The following CRACR2B variants were observed in gnomAD, a reference collection of about 807,000 sequenced individuals.
CRACR2B encodes the protein calcium release activated channel regulator 2B.
Under a neutral mutation model 46.0 loss-of-function variants are expected in CRACR2B, and 50 were observed. The ratio of observed to expected loss-of-function variants is 1.09; its 90% confidence interval spans 0.87 to 1.38. CRACR2B has a LOEUF of 1.38. Among genes scored for constraint, CRACR2B ranks in the 40% most tolerant of loss-of-function variants. CRACR2B has a pLI of 0.00. For synonymous variants in CRACR2B, 277 were observed against 239.6 expected (o/e 1.16, Z -1.44); for missense variants, 667 against 535.0 (o/e 1.25, Z -2.43).
chr11:831,209 A>G lies in CRACR2B; in HGVS notation c.954-15A>G. 1 of 1,609,714 alleles carries G rather than the reference A, an allele frequency of 6.2e-7. No homozygotes were observed. Among genetic ancestry groups the G allele is most frequent in the Non-Finnish European group, 8.5e-7 (1 of 1,179,056 alleles). On this transcript the variant is annotated splice_polypyrimidine_tract_variant and intron_variant, in intron 7 of 8. Transcript: ENST00000525077. ...GGAGCCTTCCTGCAGCCGGGTCACC[A>G]CCTCCCATCCACAGAGACGTGGTCG...
At chr11:829,331 C>T in intron 2 of CRACR2B, 29 bp from the exon 3 acceptor site, 2 of 1,580,072 alleles carry the variant, frequency 1.3e-6, no homozygotes, top group South Asian at 2.3e-5. Flanking sequence ...GACCCACAGC[C>T]CTGGTAATCG....
chr11:830,299 G>T lies in CRACR2B; in HGVS notation c.655G>T (p.Glu219Ter), dbSNP rs768345389. 6 of 1,534,022 alleles carry T rather than the reference G, an allele frequency of 3.9e-6. No individual in the cohort carries two copies. The highest frequency in any genetic ancestry group is 5.3e-6 in the Non-Finnish European group (6 of 1,142,694). Reference sequence around the variant, plus strand: ...GGTGCGCGCTCTGTACGAGGAGACGGAGCAGCTTCGGGAGCAGAGCCGGCG... The same window carrying T: ...GGTGCGCGCTCTGTACGAGGAGACGTAGCAGCTTCGGGAGCAGAGCCGGCG... Reference protein sequence around the residue: ...REVRALYEETEQLREQSRRPP... With the variant: ...REVRALYEET Residue 219 changes from glutamate (E) to a stop codon, truncating the protein, a stop_gained, in exon 5 of 9, where the codon GAG becomes TAG. Coordinates refer to ENST00000525077, the MANE Select transcript of CRACR2B (RefSeq NM_001286606.2). LOFTEE classifies it high-confidence loss of function.
In CRACR2B at chr11:830,240, TC is replaced by T; in HGVS notation, c.606-5del. On this transcript the variant is annotated splice_polypyrimidine_tract_variant and intron_variant, in intron 4 of 8. Coordinates refer to ENST00000525077, the MANE Select transcript of CRACR2B (RefSeq NM_001286606.2). ...CAAGTTCTCATCCGGGGTCGCCCGG[TC>T]CCCCGAAGGCGCGAGAGCGAGCACG... 2 of 1,503,154 alleles carry T rather than the reference TC, an allele frequency of 1.3e-6. No individual in the cohort carries two copies. 93.1% of individuals were successfully genotyped at this position (1,503,154 alleles called of 1,614,324 possible).
upstream of CRACR2B, chr11:826,398 G>A (rs557255994): frequency 6.6e-6 from 1 of 152,324 alleles, no homozygotes; most frequent in Admixed American, 6.5e-5. Context: ...CCCAAGGGGA[G>A]CCCCAGTCAG....
At position 831,700 on chromosome 11, in the gene CRACR2B, T is replaced by C; in HGVS notation, c.1191T>C (p.Ser397=). 7.9e-6 allele frequency: 12 copies of C among 1,509,562 alleles called. No homozygotes were observed. Among genetic ancestry groups the C allele is most frequent in the Admixed American group, 2.3e-5 (1 of 43,194 alleles). The allele number at this position is 1,509,562 out of a possible 1,614,324, so 93.5% of individuals were successfully genotyped here. A position where few individuals can be genotyped will look rare whatever the true frequency, so the allele number is the denominator to read the frequency against. Residue 397 remains serine, a synonymous_variant, in exon 9 of 9, where the codon AGT becomes AGC. Transcript: ENST00000525077. The part of the protein sequence containing the change: ...PPRRGSGHLP[S]AR The stretch of plus-strand genomic sequence containing the variant: ...GACGCGGCTCTGGCCACCTTCCCAG[T>C]GCCCGGTGACCAGCCCCGAGTGACT...
At position 831,713 on chromosome 11, in the gene CRACR2B, G is replaced by T. The variant is rs772352860; in HGVS notation, c.*4G>T. On this transcript the variant is annotated 3_prime_UTR_variant, in exon 9 of 9. Coordinates refer to ENST00000525077, the MANE Select transcript of CRACR2B (RefSeq NM_001286606.2). ...CCACCTTCCCAGTGCCCGGTGACCA[G>T]CCCCGAGTGACTCACGGACCATGAG... 2.0e-5 allele frequency: 30 copies of T among 1,504,288 alleles called. No individual in the cohort carries two copies. The South Asian group carries it at 2.5e-4, about 12-fold the overall frequency. 93.2% of individuals were successfully genotyped at this position (1,504,288 alleles called of 1,614,324 possible). A position where few individuals can be genotyped will look rare whatever the true frequency, so the allele number is the denominator to read the frequency against.
chr11:831,852 TAGG>T lies in CRACR2B; in HGVS notation c.*146_*148del. ...GACTGAAGACATGAAGGACCTAGCC[TAGG>T]AGTGGTCAGGGTCCCGGGAGTGGCC... On this transcript the variant is annotated 3_prime_UTR_variant, in exon 9 of 9. Coordinates refer to ENST00000525077, the MANE Select transcript of CRACR2B (RefSeq NM_001286606.2). 1 of 1,088,246 alleles carries T rather than the reference TAGG, an allele frequency of 9.2e-7. No individual in the cohort carries two copies. 67.4% of individuals were successfully genotyped at this position (1,088,246 alleles called of 1,614,324 possible).
rs572911633 is a variant in CRACR2B at position 830,756 on chromosome 11, A to T, written c.786+43A>T. The T allele has an allele frequency of 2.7e-6, 4 of 1,495,262 alleles. No homozygotes were observed. In the African/African-American group the frequency reaches 5.6e-5, roughly 21 times the overall value. 92.6% of individuals were successfully genotyped at this position (1,495,262 alleles called of 1,614,324 possible). A position where few individuals can be genotyped will look rare whatever the true frequency, so the allele number is the denominator to read the frequency against. Reference sequence around the variant, plus strand: ...GCCCTGTCCCCACGGTCACCCGTGCACTCTCCCCCTGTGCCTTAGCGTCCC... The same window carrying T: ...GCCCTGTCCCCACGGTCACCCGTGCTCTCTCCCCCTGTGCCTTAGCGTCCC... On this transcript the variant is annotated intron_variant, in intron 6 of 8. Transcript: ENST00000525077.
intron 3 of CRACR2B, 186 bp from the exon 4 acceptor site, chr11:829,800 C>T: frequency 8.2e-7 from 1 of 1,223,646 alleles, no homozygotes. Context: ...GCCCAGGGTA[C>T]ACACACCTCA....
chr11:827,595 G>A (rs1336783523), upstream of CRACR2B: 6 of 972,838 alleles, frequency 6.2e-6, no homozygotes, highest in Non-Finnish European at 1.2e-6. Context: ...AGGTCTAGCC[G>A]GCAAGCCGGA....
upstream of CRACR2B, among the ~76,000 whole-genome samples, chr11:826,513 C>T (rs1845910646): frequency 1.3e-5 from 2 of 152,250 alleles, no homozygotes; most frequent in South Asian, 4.1e-4. Context: ...CTAAGTTAAA[C>T]ATTTTCTAGC....
At position 830,068 on chromosome 11, in the gene CRACR2B, C is replaced by G. The variant is rs1846266122; in HGVS notation, c.541C>G (p.Arg181Gly). Residue 181 changes from arginine (R) to glycine (G), a missense_variant, in exon 4 of 9, where the codon CGC becomes GGC. Physicochemically the swap from Arg to Gly is moderately radical, Grantham distance 125 (BLOSUM62 -2). Coordinates refer to ENST00000525077, the MANE Select transcript of CRACR2B (RefSeq NM_001286606.2). ...LLGSFEDVLI[R>G]ASACLEEAAR... is the part of the protein sequence containing the mutation. ...GGGCTCTTTCGAGGATGTTCTGATA[C>G]GCGCGTCGGCCTGCCTGGAGGAGGC... The G allele has an allele frequency of 6.4e-7, 1 of 1,553,414 alleles. No homozygotes were observed.
chr11:830,073 G>A lies in CRACR2B; in HGVS notation c.546G>A (p.Ala182=). Reference sequence around the variant, plus strand: ...CTTTCGAGGATGTTCTGATACGCGCGTCGGCCTGCCTGGAGGAGGCGGCCC... The same window carrying A: ...CTTTCGAGGATGTTCTGATACGCGCATCGGCCTGCCTGGAGGAGGCGGCCC... ...LGSFEDVLIR[A]SACLEEAARE... is the part of the protein sequence containing the mutation. Residue 182 remains alanine (A), a synonymous_variant, in exon 4 of 9, where the codon GCG becomes GCA. Transcript: ENST00000525077. 6.4e-7 allele frequency: 1 copy of A among 1,551,276 alleles called. No homozygotes were observed. The highest frequency in any genetic ancestry group is 8.7e-7 in the Non-Finnish European group (1 of 1,153,490).
At position 831,199 on chromosome 11, in the gene CRACR2B, C is replaced by T. The variant is rs369206850; in HGVS notation, c.954-25C>T. Reference sequence around the variant, plus strand: ...GGCTCCCCAAGGAGCCTTCCTGCAGCCGGGTCACCACCTCCCATCCACAGA... The same window carrying T: ...GGCTCCCCAAGGAGCCTTCCTGCAGTCGGGTCACCACCTCCCATCCACAGA... On this transcript the variant is annotated intron_variant, in intron 7 of 8. Transcript: ENST00000525077. 39 of 1,610,530 alleles carry T rather than the reference C, an allele frequency of 2.4e-5. 1 individual carries two copies. In the South Asian group the frequency reaches 3.5e-4, roughly 15 times the overall value.
intron 5 of CRACR2B, 83 bp from the exon 6 acceptor site, chr11:830,523 GCTCCGCCCGGGCCCA>G (rs772509450): frequency 6.5e-7 from 1 of 1,541,994 alleles, no homozygotes; most frequent in South Asian, 1.2e-5. Context: ...ACCCGACCCC[GCTCCGCCCGGGCCCA>G]CTCCCAGCCC....
At position 828,899 on chromosome 11, in the gene CRACR2B, G is replaced by A. The variant is rs781207611; in HGVS notation, c.213G>A (p.Val71=). 1 of 1,609,600 alleles carries A rather than the reference G, an allele frequency of 6.2e-7. No homozygotes were observed. The highest frequency in any genetic ancestry group is 8.5e-7 in the Non-Finnish European group (1 of 1,179,928). Residue 71 remains valine, a synonymous_variant, in exon 2 of 9, where the codon GTG becomes GTA. Transcript: ENST00000525077. ...TCACGCCAGAGCAGCTGGAGGCTGT[G>A]TTTGAAAGTCTGGACCGGGCTCACA... ...LPLTPEQLEA[V]FESLDRAHTG...
At chr11:829,675 C>A in intron 3 of CRACR2B, 135 bp downstream of exon 3, 1 of 1,113,870 alleles carries the variant, frequency 9.0e-7, no homozygotes, top group Non-Finnish European at 1.2e-6. Flanking sequence ...GCGTCAGCTG[C>A]GATTCCCTGG....
At position 830,259 on chromosome 11, in the gene CRACR2B, C is replaced by A; in HGVS notation, c.615C>A (p.Ser205Arg). The change falls in exon 5 of 9, where the codon AGC (serine) becomes AGA (arginine). Residue 205 changes from serine to arginine, a missense_variant. Physicochemically the swap from Ser to Arg is moderately radical, Grantham distance 110. Transcript: ENST00000525077. ...GCCCGGTCCCCCGAAGGCGCGAGAG[C>A]GAGCACGAGAGGGAGGTGCGCGCTC... Reference protein sequence around the residue: ...GLEQALRRRESEHEREVRALY... With the variant: ...GLEQALRRREREHEREVRALY... 3 of 1,515,274 alleles carry A rather than the reference C, an allele frequency of 2.0e-6. No individual in the cohort carries two copies. Among genetic ancestry groups the A allele is most frequent in the Non-Finnish European group, 2.7e-6 (3 of 1,128,972 alleles). 93.9% of individuals were successfully genotyped at this position (1,515,274 alleles called of 1,614,324 possible). A position where few individuals can be genotyped will look rare whatever the true frequency, so the allele number is the denominator to read the frequency against.
In CRACR2B at chr11:830,652, T is replaced by G; in HGVS notation, c.725T>G (p.Leu242Arg). Residue 242 changes from leucine to arginine, a missense_variant, in exon 6 of 9, where the codon CTG becomes CGG. By Grantham distance (102) the Leu-to-Arg change is moderately radical. Coordinates refer to ENST00000525077, the MANE Select transcript of CRACR2B (RefSeq NM_001286606.2). ...NFARGERRSR[L>R]ELELQSREQD... ...GCCCGCGGGGAGCGGAGAAGCCGTC[T>G]GGAGCTGGAGCTGCAGAGCCGCGAG... The G allele has an allele frequency of 6.5e-7, 1 of 1,548,188 alleles. No individual in the cohort carries two copies. Among genetic ancestry groups the G allele is most frequent in the Non-Finnish European group, 8.7e-7 (1 of 1,146,424 alleles).
Sources: allele counts gnomAD v4.1 joint callset (sites outside exome capture counted in the v4.1 genomes callset), GRCh38; gene constraint gnomAD v4.1.1; transcripts MANE v1.5; gene names NCBI Gene and HGNC (gene_info 2026-07-23, HGNC 2026-07-21).